USP10: variants seen among roughly 807,000 people sequenced by gnomAD.
USP10 encodes the protein ubiquitin carboxyl-terminal hydrolase 10.
In USP10, 22 loss-of-function variants were observed where a neutral mutation model predicts 84.5. The observed-to-expected ratio is 0.26, with a 90% confidence interval of 0.19 to 0.37. The LOEUF (loss-of-function observed/expected upper bound fraction) is 0.37. Among genes scored for constraint, USP10 ranks in the 10% least tolerant of loss-of-function variants. The probability of loss-of-function intolerance (pLI) is 1.00; values close to 1 mark genes in which losing one functional copy is unlikely to be tolerated. For synonymous variants in USP10, 454 were observed against 387.6 expected (o/e 1.17, Z -2.01); for missense variants, 1,019 against 998.9 (o/e 1.02, Z -0.27).
intron 1 of USP10, among the ~76,000 whole-genome samples, chr16:84,702,988 C>A (rs1357692141): frequency 3.4e-5 from 1 of 29,366 alleles, no homozygotes; most frequent in Non-Finnish European, 1.0e-4. Flanking sequence ...GCAAGACTCC[C>A]GTCTCAAAAA....
intron 4 of USP10, among the ~76,000 whole-genome samples, chr16:84,747,111 A>G (rs1041306818): frequency 1.3e-5 from 2 of 152,214 alleles, no homozygotes; most frequent in Non-Finnish European, 2.9e-5. Flanking sequence ...GTTGACCGAA[A>G]TGTTACGCCG....
intron 1 of USP10, among the ~76,000 whole-genome samples, chr16:84,732,892 C>G (rs1451284364): frequency 6.6e-6 from 1 of 152,144 alleles, no homozygotes; most frequent in Admixed American, 6.5e-5. Context: ...AGGGCTGTGT[C>G]TGTCTGATAA....
At chr16:84,764,483 T>C (rs35307127) in intron 10 of USP10, among the ~76,000 whole-genome samples, 34,887 of 152,038 alleles carry the variant, frequency 0.23, 4,764 homozygotes, top group East Asian at 0.39. Context: ...GACAGGGAGC[T>C]CCTCCCTTCT....
intron 1 of USP10, among the ~76,000 whole-genome samples, chr16:84,705,468 C>T (rs1472623743): frequency 2.6e-5 from 4 of 151,752 alleles, no homozygotes; most frequent in East Asian, 3.9e-4. Flanking sequence ...CCTGACCTCA[C>T]GATCCGCCCA....
chr16:84,711,890 T>G (rs1017841287), intron 1 of USP10, among the ~76,000 whole-genome samples: 16 of 152,068 alleles, frequency 1.1e-4, no homozygotes, highest in African/African-American at 3.6e-4. Flanking sequence ...TGGCTAATTT[T>G]TGTATTTTTA....
At chr16:84,741,283 C>T (rs530093088) in intron 3 of USP10, among the ~76,000 whole-genome samples, 3 of 152,202 alleles carry the variant, frequency 2.0e-5, no homozygotes, top group Admixed American at 6.5e-5. Context: ...AGGGAAAGAG[C>T]AGATCTAACA....
intron 1 of USP10, among the ~76,000 whole-genome samples, chr16:84,708,264 A>C (rs1460605820): frequency 6.6e-6 from 1 of 152,160 alleles, no homozygotes; most frequent in Non-Finnish European, 1.5e-5. Flanking sequence ...ATCCTGGCCA[A>C]CATGGTAAAA....
At chr16:84,718,912 C>A (rs1260211089) in intron 1 of USP10, among the ~76,000 whole-genome samples, 1 of 151,846 alleles carries the variant, frequency 6.6e-6, no homozygotes, top group African/African-American at 2.4e-5. Flanking sequence ...CCTGCCTTAG[C>A]CTCCCGAGTA....
rs376365485 is a variant in USP10, at chr16:84,733,396, A to G, written c.22-39A>G. The G allele has an allele frequency of 6.2e-6, 9 of 1,461,236 alleles. No homozygotes were observed. The African/African-American group carries it at 8.5e-5, about 14-fold the overall frequency. The allele number at this position is 1,461,236 out of a possible 1,614,324, so 90.5% of individuals were successfully genotyped here. A position where few individuals can be genotyped will look rare whatever the true frequency, so the allele number is the denominator to read the frequency against. On this transcript the variant is annotated intron_variant, in intron 1 of 13. Coordinates refer to ENST00000219473, the MANE Select transcript of USP10 (RefSeq NM_005153.3). ...TTTTTTCTGAAAGTATATAATTTGT[A>G]TATTTTATGTGATCAGTGACTCTCT...
intron 1 of USP10, among the ~76,000 whole-genome samples, chr16:84,723,445 A>C (rs887949677): frequency 6.6e-6 from 1 of 152,244 alleles, no homozygotes; most frequent in Non-Finnish European, 1.5e-5. Flanking sequence ...CTCTGGTGAT[A>C]ATAAAAACAT....
chr16:84,730,128 C>T (rs1330097436), intron 1 of USP10, among the ~76,000 whole-genome samples: 2 of 152,186 alleles, frequency 1.3e-5, no homozygotes, highest in Non-Finnish European at 2.9e-5. Context: ...CTGTCTGCGT[C>T]CACTCAGCGT....
intron 4 of USP10, among the ~76,000 whole-genome samples, chr16:84,758,065 TG>T (rs1912791825): frequency 6.6e-6 from 1 of 152,132 alleles, no homozygotes; most frequent in African/African-American, 2.4e-5. Context: ...ACAGAAAGAG[TG>T]ATGTCCACTC....
intron 1 of USP10, among the ~76,000 whole-genome samples, chr16:84,731,200 C>G (rs985751316): frequency 6.6e-6 from 1 of 151,396 alleles, no homozygotes. Context: ...AGGATGGTCT[C>G]GATCTTCTGA....
intron 12 of USP10, among the ~76,000 whole-genome samples, chr16:84,774,740 A>G (rs1055616759): frequency 2.0e-5 from 3 of 152,144 alleles, no homozygotes; most frequent in African/African-American, 4.8e-5. Flanking sequence ...AAGTGCTGGG[A>G]TTACAGGCGT....
chr16:84,722,977 T>G (rs1238271896), intron 1 of USP10, among the ~76,000 whole-genome samples: 2 of 152,176 alleles, frequency 1.3e-5, no homozygotes, highest in Admixed American at 6.5e-5. Context: ...TAGTGAAATG[T>G]GCCCAGAAAG....
At position 84,772,683 on chromosome 16, in the gene USP10, A is replaced by G. The variant is rs199893521; in HGVS notation, c.2141A>G (p.Lys714Arg). 6.8e-6 allele frequency: 11 copies of G among 1,613,984 alleles called. No homozygotes were observed. The highest frequency in any genetic ancestry group is 9.3e-6 in the Non-Finnish European group (11 of 1,179,872). ...IEYPVDLEIS[K>R]ELLSPGVKNK... ...TATCCTGTGGACTTGGAAATTAGTA[A>G]AGGTAATGCATACATAAGGTCGGGA... Residue 714 changes from lysine (K) to arginine (R), a missense_variant and splice_region_variant, in exon 12 of 14, where the codon AAA becomes AGA. Physicochemically the swap from Lys to Arg is conservative, Grantham distance 26. This residue lies in a region of USP10 where 232 missense variants were observed against 290.1 expected (regional missense o/e 0.80). Transcript: ENST00000219473.
intron 4 of USP10, among the ~76,000 whole-genome samples, chr16:84,749,127 T>C (rs1263330496): frequency 1.3e-5 from 2 of 152,206 alleles, no homozygotes; most frequent in Non-Finnish European, 2.9e-5. Flanking sequence ...CTTGGGATCA[T>C]ATAGGGCTTA....
chr16:84,732,161 A>G (rs1009898847), intron 1 of USP10, among the ~76,000 whole-genome samples: 2 of 152,190 alleles, frequency 1.3e-5, no homozygotes, highest in Non-Finnish European at 2.9e-5. Flanking sequence ...TATTACATTT[A>G]GTGGCCATTT....
At chr16:84,734,865 G>A (rs1909690397) in intron 2 of USP10, among the ~76,000 whole-genome samples, 1 of 152,142 alleles carries the variant, frequency 6.6e-6, no homozygotes, top group Non-Finnish European at 1.5e-5. Flanking sequence ...TGTGGCCCTG[G>A]CAGGTGCCTC....
Sources: allele counts gnomAD v4.1 joint callset (sites outside exome capture counted in the v4.1 genomes callset), GRCh38; gene constraint gnomAD v4.1.1; regional missense constraint gnomAD v4.1.1; transcripts MANE v1.5; gene names NCBI Gene and HGNC (gene_info 2026-07-23, HGNC 2026-07-21).